PLCB1: variants seen among roughly 807,000 people sequenced by gnomAD.
PLCB1 encodes the protein phospholipase C beta 1, also known as 1-phosphatidylinositol 4,5-bisphosphate phosphodiesterase beta-1.
PLCB1 carries 46 observed loss-of-function variants against 161.8 expected under a neutral mutation model. The ratio of observed to expected loss-of-function variants is 0.28; its 90% CI spans 0.22 to 0.36. The LOEUF (loss-of-function observed/expected upper bound fraction) is 0.36, where lower values mean the gene tolerates loss of function less well. PLCB1 is among the 10% of genes least tolerant of loss of function. The pLI is 1.00. For synonymous variants in PLCB1, 517 were observed against 503.7 expected, an observed-to-expected ratio of 1.03 and a Z score of -0.35; for missense variants, 1,016 against 1,472.5, an observed-to-expected ratio of 0.69 and a Z score of 5.07.
At chr20:8,546,030 T>C (rs1479966583) in intron 3 of PLCB1, among the ~76,000 whole-genome samples, 1 of 152,190 alleles carries the variant, frequency 6.6e-6, no homozygotes, top group South Asian at 2.1e-4. Context: ...GAAACTGAAA[T>C]TCTTGGCTGG....
At chr20:8,862,338 G>A (rs557376538) in intron 31 of PLCB1, among the ~76,000 whole-genome samples, 18 of 152,234 alleles carry the variant, frequency 1.2e-4, no homozygotes, top group South Asian at 2.1e-4. Context: ...TGGATGAAGC[G>A]GAAAATGAAT....
At chr20:8,605,969 T>G (rs1987746769) in intron 3 of PLCB1, among the ~76,000 whole-genome samples, 2 of 152,222 alleles carry the variant, frequency 1.3e-5, no homozygotes, top group South Asian at 4.1e-4. Context: ...TCCATTTTAC[T>G]GCACAAGACA....
chr20:8,512,175 C>T (rs1054766658), intron 3 of PLCB1, among the ~76,000 whole-genome samples: 6 of 152,058 alleles, frequency 3.9e-5, no homozygotes, highest in South Asian at 2.1e-4. Flanking sequence ...TAGTTTTATT[C>T]GTAAATCTAT....
intron 4 of PLCB1, among the ~76,000 whole-genome samples, chr20:8,634,873 CCTAA>C (rs1307509898): frequency 7.2e-5 from 11 of 152,158 alleles, no homozygotes; most frequent in Admixed American, 6.5e-4. Context: ...TCTAGCAGCT[CCTAA>C]CTACTTGTGA....
intron 19 of PLCB1, among the ~76,000 whole-genome samples, chr20:8,735,651 A>G (rs190200495): frequency 6.6e-6 from 1 of 152,342 alleles, no homozygotes; most frequent in Admixed American, 6.5e-5. Context: ...GCTTTGGTCA[A>G]ACATCTTAAA....
intron 3 of PLCB1, among the ~76,000 whole-genome samples, chr20:8,438,798 CA>C (rs769478611): frequency 1.9e-3 from 295 of 152,326 alleles, no homozygotes; most frequent in Middle Eastern, 3.4e-3. Flanking sequence ...GTCCTCACCC[CA>C]GGCCACAAGA....
chr20:8,401,347 T>C (rs1466633597), intron 3 of PLCB1, among the ~76,000 whole-genome samples: 2 of 152,212 alleles, frequency 1.3e-5, no homozygotes, highest in Non-Finnish European at 2.9e-5. Context: ...TGTAGTCAAA[T>C]TTATTAGTCC....
rs1471856133 is a variant in PLCB1 at position 8,785,236 on chromosome 20, C to A, written c.3112-3213C>A. ...GATTGTCTCCATCTTCCACAACCAC[C>A]AAGACAATGCTTTTCAAACTCTAAT... On this transcript the variant is annotated intron_variant, in intron 27 of 31. Transcript: ENST00000338037. Among the ~76,000 whole-genome samples, 7 of 152,176 alleles carry A rather than the reference C, an allele frequency of 4.6e-5. No individual in the cohort carries two copies. In the East Asian group the frequency reaches 1.4e-3, roughly 29 times the overall value.
chr20:8,716,400 T>A (rs762158621), intron 13 of PLCB1, 52 bp downstream of exon 13: 3 of 1,277,300 alleles, frequency 2.3e-6, no homozygotes, highest in Non-Finnish European at 2.3e-6. Context: ...TATTGATGAA[T>A]GAGGTTGAGG....
chr20:8,816,922 C>A (rs1488704576), intron 31 of PLCB1, among the ~76,000 whole-genome samples: 1 of 152,194 alleles, frequency 6.6e-6, no homozygotes, highest in East Asian at 1.9e-4. Flanking sequence ...CCACTTCTTT[C>A]AAGTGCCCTT....
At chr20:8,392,118 C>T (rs1175609214) in intron 3 of PLCB1, among the ~76,000 whole-genome samples, 2 of 151,772 alleles carry the variant, frequency 1.3e-5, no homozygotes, top group Admixed American at 6.6e-5. Context: ...ACTTAATCGC[C>T]GATGCAATAG....
intron 4 of PLCB1, among the ~76,000 whole-genome samples, chr20:8,641,392 C>T (rs1421397035): frequency 6.6e-6 from 1 of 152,192 alleles, no homozygotes; most frequent in Non-Finnish European, 1.5e-5. Flanking sequence ...TACACATTCA[C>T]TTATGCAGTC....
At chr20:8,814,305 TTCTG>T (rs1241945557) in intron 31 of PLCB1, among the ~76,000 whole-genome samples, 1 of 152,202 alleles carries the variant, frequency 6.6e-6, no homozygotes, top group Non-Finnish European at 1.5e-5. Context: ...TTTTGGAACA[TTCTG>T]TCTAAGGATT....
At chr20:8,391,807 A>G (rs1239581811) in intron 3 of PLCB1, among the ~76,000 whole-genome samples, 30 of 141,964 alleles carry the variant, frequency 2.1e-4, no homozygotes, top group Non-Finnish European at 2.9e-4. Context: ...ATATATATAT[A>G]TATATATATA....
At chr20:8,754,068 C>A (rs967213769) in intron 23 of PLCB1, among the ~76,000 whole-genome samples, 2 of 152,280 alleles carry the variant, frequency 1.3e-5, no homozygotes, top group Non-Finnish European at 1.5e-5. Context: ...CCAGCACCAA[C>A]CCTTGGTGCC....
intron 3 of PLCB1, among the ~76,000 whole-genome samples, chr20:8,426,549 G>A (rs1979782037): frequency 6.6e-6 from 1 of 152,154 alleles, no homozygotes; most frequent in South Asian, 2.1e-4. Flanking sequence ...TTCAGAAAGT[G>A]AGGAGATGCA....
At chr20:8,304,657 T>G (rs1600300350) in intron 2 of PLCB1, among the ~76,000 whole-genome samples, 1 of 152,020 alleles carries the variant, frequency 6.6e-6, no homozygotes, top group South Asian at 2.1e-4. Flanking sequence ...TGTGTGGGTG[T>G]GTCCACTTGC....
intron 31 of PLCB1, among the ~76,000 whole-genome samples, chr20:8,790,985 T>C (rs1481244033): frequency 6.6e-6 from 1 of 152,174 alleles, no homozygotes; most frequent in Non-Finnish European, 1.5e-5. Flanking sequence ...CAATTTAAAA[T>C]ATCTACTCTA....
At chr20:8,229,882 A>ATAAAATAAAATAAAT (rs780358887) in intron 2 of PLCB1, among the ~76,000 whole-genome samples, 1 of 148,364 alleles carries the variant, frequency 6.7e-6, no homozygotes, top group Non-Finnish European at 1.5e-5. Context: ...ATAAAATAAA[A>ATAAAATAAAATAAAT]TAAAAATAAA....
Sources: gnomAD v4.1 joint callset for allele counts (sites outside exome capture counted in the v4.1 genomes callset) on GRCh38, gnomAD v4.1.1 for gene constraint, MANE v1.5 for transcripts, NCBI Gene and HGNC (gene_info 2026-07-23, HGNC 2026-07-21) for gene names.